Variants in TTC39A observed in about 807,000 individuals in gnomAD.
TTC39A encodes the protein tetratricopeptide repeat protein 39A.
In TTC39A, 46 loss-of-function variants were observed where a neutral mutation model predicts 82.3. The observed-to-expected ratio is 0.56, with a 90% CI of 0.44 to 0.71. TTC39A has a LOEUF of 0.71. Ranked by LOEUF, TTC39A falls within the 30% of genes least tolerant of loss-of-function variation. TTC39A has a pLI of 0.00. For synonymous variants in TTC39A, 254 were observed against 275.2 expected, an observed-to-expected ratio of 0.92 and a Z score of 0.76; for missense variants, 543 against 712.9, an observed-to-expected ratio of 0.76 and a Z score of 2.71.
At chr1:51,302,450 C>G (rs749251050) in intron 10 of TTC39A, 34 bp from the exon 11 acceptor site, 2 of 1,606,454 alleles carry the variant, frequency 1.2e-6, no homozygotes, top group Admixed American at 3.4e-5. Context: ...CGTGTGGGTC[C>G]GTGGGGTCTG....
intron 1 of TTC39A, among the ~76,000 whole-genome samples, chr1:51,322,870 C>T (rs1645578781): frequency 6.6e-6 from 1 of 152,202 alleles, no homozygotes; most frequent in Non-Finnish European, 1.5e-5. Flanking sequence ...CCTACATATA[C>T]CTTAGGGCCC....
rs1344342514 is a variant in TTC39A at position 51,303,124 on chromosome 1, C to T, written c.723G>A (p.Met241Ile). The T allele has an allele frequency of 6.4e-7, 1 of 1,569,398 alleles. No individual in the cohort carries two copies. The highest frequency in any genetic ancestry group is 1.1e-5 in the South Asian group (1 of 87,236). Residue 241 changes from methionine to isoleucine, a missense_variant, in exon 9 of 18, where the codon ATG becomes ATA. By Grantham distance (10) the Met-to-Ile change is conservative (BLOSUM62 1). Coordinates refer to ENST00000680483, the MANE Select transcript of TTC39A (RefSeq NM_001297663.2). ...GHSFRSVLCVMLLLCYHTFLT... is the reference protein window; with the variant it reads ...GHSFRSVLCVILLLCYHTFLT... Reference sequence around the variant, plus strand: ...GGAAGGTGTGGTAGCACAGCAGGAGCATGACACAGAGCACAGAGCGGAAGC... The same window carrying T: ...GGAAGGTGTGGTAGCACAGCAGGAGTATGACACAGAGCACAGAGCGGAAGC...
intron 1 of TTC39A, among the ~76,000 whole-genome samples, chr1:51,328,502 C>A (rs1015022377): frequency 6.6e-6 from 1 of 152,122 alleles, no homozygotes; most frequent in African/African-American, 2.4e-5. Context: ...ACTCCATTCA[C>A]AGAAAACTTT....
Position 51,290,613 on chromosome 1 carries a change from T to G in TTC39A, c.1279A>C (p.Ile427Leu). The G allele has an allele frequency of 6.2e-7, 1 of 1,613,316 alleles. No homozygotes were observed. Among genetic ancestry groups the G allele is most frequent in the Non-Finnish European group, 8.5e-7 (1 of 1,179,634 alleles). The stretch of plus-strand genomic sequence containing the variant: ...CCAATCACGGCGTAGCCGTTCCAGA[T>G]GTACATCATTTCCTGAAGGCAGGGG... Reference protein sequence around the residue: ...LPVPALEMMYIWNGYAVIGKQ... With the variant: ...LPVPALEMMYLWNGYAVIGKQ... Residue 427 changes from isoleucine to leucine, a missense_variant, in exon 15 of 18, where the codon ATC (isoleucine) becomes CTC (leucine). Coordinates refer to ENST00000680483, the MANE Select transcript of TTC39A (RefSeq NM_001297663.2).
At chr1:51,335,403 A>C (rs1024378497), upstream of TTC39A, 2 of 151,388 alleles carry the variant, frequency 1.3e-5, no homozygotes, top group African/African-American at 4.9e-5. Context: ...ACAAAAAAAA[A>C]AAAAAAAAAT....
At chr1:51,322,021 G>A in intron 1 of TTC39A, 196 bp from the exon 2 acceptor site, 2 of 1,480,202 alleles carry the variant, frequency 1.4e-6, no homozygotes, top group Non-Finnish European at 1.8e-6. Flanking sequence ...CCAAGGGTGG[G>A]AGGGGGAGCA....
intron 1 of TTC39A, chr1:51,322,399 G>A (rs1486195078): frequency 1.9e-5 from 17 of 879,460 alleles, no homozygotes; most frequent in South Asian, 4.1e-5. Flanking sequence ...CAGTCCTTAC[G>A]TTTCTCTATA....
chr1:51,304,059 G>A (rs1270318360), intron 8 of TTC39A, among the ~76,000 whole-genome samples: 1 of 152,172 alleles, frequency 6.6e-6, no homozygotes, highest in Non-Finnish European at 1.5e-5. Context: ...CTTTGGTGGT[G>A]CCCAGGAGAA....
rs962797253 is a variant in TTC39A, at chr1:51,288,087, G to A, written c.*70C>T. 1.2e-5 allele frequency: 19 copies of A among 1,591,428 alleles called. No individual in the cohort carries two copies. Among genetic ancestry groups the A allele is most frequent in the Middle Eastern group, 1.9e-4 (1 of 5,378 alleles). ...AGGCAGGGCAGGGCAGGGGGAGGGG[G>A]TATTTTGAAATGTTTTCAGGAGCTC... On this transcript the variant is annotated 3_prime_UTR_variant, in exon 18 of 18. Coordinates refer to ENST00000680483, the MANE Select transcript of TTC39A (RefSeq NM_001297663.2). This position sits in a 1 kb window ranked among gnomAD's most constrained non-coding sequence, Gnocchi z 4.8.
At chr1:51,323,830 A>G (rs922940372) in intron 1 of TTC39A, among the ~76,000 whole-genome samples, 2 of 152,122 alleles carry the variant, frequency 1.3e-5, no homozygotes, top group Admixed American at 6.5e-5. Context: ...TTTCTATTCT[A>G]TATCTCATAA....
Position 51,305,988 on chromosome 1 carries a change from C to A in TTC39A, c.577G>T (p.Ala193Ser), listed in dbSNP as rs1433587337. The A allele has an allele frequency of 1.2e-6, 2 of 1,613,948 alleles. No individual in the cohort carries two copies. Among genetic ancestry groups the A allele is most frequent in the East Asian group, 2.2e-5 (1 of 44,874 alleles). Reference sequence around the variant, plus strand: ...GGAGGAGCACTCACCAGGTTGAAGGCCCCTACACCAAGCTTCACTCCTCCT... The same window carrying A: ...GGAGGAGCACTCACCAGGTTGAAGGACCCTACACCAAGCTTCACTCCTCCT... ...FEGGVKLGVG[A>S]FNLTLSMLPT... is the part of the protein sequence containing the mutation. The change falls in exon 7 of 18, where the codon GCC (alanine) becomes TCC (serine). Residue 193 changes from alanine (A) to serine (S), a missense_variant. Transcript: ENST00000680483.
At chr1:51,305,246 G>C in intron 7 of TTC39A, 100 bp from the exon 8 acceptor site, 1 of 1,193,286 alleles carries the variant, frequency 8.4e-7, no homozygotes, top group Non-Finnish European at 1.2e-6. Flanking sequence ...TTTACCTGGA[G>C]GGGAGAGGGC....
Position 51,296,176 on chromosome 1 carries a change from C to G in TTC39A, c.1054-6G>C, listed in dbSNP as rs184643340. On this transcript the variant is annotated splice_polypyrimidine_tract_variant and splice_region_variant and intron_variant, in intron 12 of 17. Coordinates refer to ENST00000680483, the MANE Select transcript of TTC39A (RefSeq NM_001297663.2). The stretch of plus-strand genomic sequence containing the variant: ...TTCATGTAAATGTAGGTGGCCTGTG[C>G]GAGACAGAGCAACAGCCAGGTGTGA... 6.3e-7 allele frequency: 1 copy of G among 1,581,562 alleles called. No individual in the cohort carries two copies. Among genetic ancestry groups the G allele is most frequent in the Non-Finnish European group, 8.6e-7 (1 of 1,163,722 alleles).
Position 51,312,861 on chromosome 1 carries a change from T to A in TTC39A, c.229A>T (p.Ile77Phe). 9 of 1,614,000 alleles carry A rather than the reference T, an allele frequency of 5.6e-6. No homozygotes were observed. The highest frequency in any genetic ancestry group is 7.6e-6 in the Non-Finnish European group (9 of 1,179,868). The change falls in exon 3 of 18, where the codon ATC becomes TTC. Residue 77 changes from isoleucine to phenylalanine, a missense_variant. Coordinates refer to ENST00000680483, the MANE Select transcript of TTC39A (RefSeq NM_001297663.2). The part of the protein sequence containing the change: ...QAMMTFDPQD[I>F]LLAGNMMKEA... ...TTCATCATGTTGCCGGCAAGCAGGA[T>A]GTCCTGAGGGTCAAAGGTCATCATG...
intron 2 of TTC39A, among the ~76,000 whole-genome samples, chr1:51,315,596 T>A (rs1426395183): frequency 6.6e-6 from 1 of 152,156 alleles, no homozygotes; most frequent in Non-Finnish European, 1.5e-5. Flanking sequence ...AGACCCCACT[T>A]CATTGTCTTC....
chr1:51,312,940 G>C lies in TTC39A; in HGVS notation c.150C>G (p.Thr50=). The change falls in exon 3 of 18, where the codon ACC becomes ACG. Residue 50 remains threonine (T), a synonymous_variant. Coordinates refer to ENST00000680483, the MANE Select transcript of TTC39A (RefSeq NM_001297663.2). The stretch of plus-strand genomic sequence containing the variant: ...TCAGTGAGTGGTACATGCTTTCCTT[G>C]GTTCTGCCAAAGAGAAGAGACGTTG... ...SEALSYLKPR[T]KESMYHSLTY... is the part of the protein sequence containing the mutation. 6.2e-7 allele frequency: 1 copy of C among 1,613,276 alleles called. No homozygotes were observed. The highest frequency in any genetic ancestry group is 1.1e-5 in the South Asian group (1 of 90,998).
At chr1:51,300,549 G>A (rs1644612625) in intron 12 of TTC39A, 1 of 152,256 alleles carries the variant, frequency 6.6e-6, no homozygotes, top group Admixed American at 6.5e-5. Flanking sequence ...AAGCCATGAA[G>A]ACACATGTCC....
intron 12 of TTC39A, chr1:51,299,641 A>G (rs2148159950): frequency 6.6e-6 from 1 of 152,426 alleles, no homozygotes; most frequent in African/African-American, 2.4e-5. Flanking sequence ...CCAAAGCCAC[A>G]CAGCGGTCTG....
At chr1:51,334,264 G>A (rs979243315), upstream of TTC39A, among the ~76,000 whole-genome samples, 7 of 151,826 alleles carry the variant, frequency 4.6e-5, no homozygotes, top group Admixed American at 2.0e-4. Flanking sequence ...AGCACTTTGG[G>A]AGGCTGAGGT....
Sources: gnomAD v4.1 joint callset for allele counts (sites outside exome capture counted in the v4.1 genomes callset) on GRCh38, gnomAD v4.1.1 for gene constraint, Gnocchi (gnomAD v3.1) non-coding constraint, MANE v1.5 for transcripts, NCBI Gene and HGNC (gene_info 2026-07-23, HGNC 2026-07-21) for gene names.